Variants in PRRC2B observed in about 807,000 individuals in gnomAD.
The protein encoded by PRRC2B is proline rich coiled-coil 2B.
In PRRC2B, 68 loss-of-function variants were observed where a neutral mutation model predicts 242.3. The ratio of observed to expected loss-of-function variants is 0.28; its 90% CI spans 0.23 to 0.34. PRRC2B has a LOEUF of 0.34. Among genes scored for constraint, PRRC2B ranks in the 10% least tolerant of loss-of-function variants. The probability of loss-of-function intolerance (pLI) is 1.00; values close to 1 mark genes in which losing one functional copy is unlikely to be tolerated. For missense variants in PRRC2B, 2,835 were observed against 2,954.8 expected, an observed-to-expected ratio of 0.96 and a Z score of 0.94; for synonymous variants, 1,228 against 1,173.6, an observed-to-expected ratio of 1.05 and a Z score of -0.95.
intron 1 of PRRC2B, among the ~76,000 whole-genome samples, chr9:131,413,775 G>A (rs763403706): frequency 6.6e-6 from 1 of 152,172 alleles, no homozygotes; most frequent in Non-Finnish European, 1.5e-5. Context: ...AGGTTCAAGC[G>A]ATTCTTCGGC....
upstream of PRRC2B, among the ~76,000 whole-genome samples, chr9:131,390,807 T>G (rs1198180823): frequency 2.7e-3 from 193 of 72,524 alleles, no homozygotes; most frequent in Middle Eastern, 0.014. Context: ...TTTTTTTTGA[T>G]ACAGAGTCTC....
intron 1 of PRRC2B, among the ~76,000 whole-genome samples, chr9:131,377,596 C>T (rs1436800968): frequency 6.6e-6 from 1 of 152,076 alleles, no homozygotes; most frequent in African/African-American, 2.4e-5. Flanking sequence ...TCTGTTTCTG[C>T]ACCCCCACCC....
intron 10 of PRRC2B, among the ~76,000 whole-genome samples, chr9:131,457,610 T>G (rs924415480): frequency 1.3e-5 from 2 of 152,170 alleles, no homozygotes; most frequent in African/African-American, 2.4e-5. Context: ...TTGCCCTGAC[T>G]CTGTCTCCTC....
intron 1 of PRRC2B, among the ~76,000 whole-genome samples, chr9:131,377,448 G>T (rs1215652897): frequency 6.6e-6 from 1 of 151,896 alleles, no homozygotes; most frequent in Non-Finnish European, 1.5e-5. Flanking sequence ...CTCCACAATT[G>T]TACTTTTGGA....
chr9:131,462,663 C>A (rs1012656511), intron 11 of PRRC2B, among the ~76,000 whole-genome samples: 1 of 151,354 alleles, frequency 6.6e-6, no homozygotes, highest in African/African-American at 2.4e-5. Flanking sequence ...CATGGTGAAA[C>A]CCCATCTCTA....
At chr9:131,480,194 C>A (rs1943817698) in intron 19 of PRRC2B, among the ~76,000 whole-genome samples, 1 of 152,176 alleles carries the variant, frequency 6.6e-6, no homozygotes, top group Non-Finnish European at 1.5e-5. Flanking sequence ...CTCAGGGACT[C>A]CAGGGTCATA....
In PRRC2B at chr9:131,425,957, C is replaced by T. The variant is rs112908199; in HGVS notation, c.-51-4137C>T. ...CTAGGAGGCAGAGGTTGCAGTGAGC[C>T]GAGATCATGCCACTGCACTCCACCC... On this transcript the variant is annotated intron_variant, in intron 1 of 31. Transcript: ENST00000683519. Among the ~76,000 whole-genome samples the T allele has an allele frequency of 1.6e-3, 235 of 150,064 alleles. 1 individual carries two copies. Among genetic ancestry groups the T allele is most frequent in the Non-Finnish European group, 2.8e-3 (187 of 67,362 alleles).
chr9:131,432,196 G>A (rs991823905), intron 2 of PRRC2B, among the ~76,000 whole-genome samples: 1 of 152,150 alleles, frequency 6.6e-6, no homozygotes, highest in Non-Finnish European at 1.5e-5. Flanking sequence ...CATGAATGTC[G>A]AAGGGCTCCT....
intron 1 of PRRC2B, among the ~76,000 whole-genome samples, chr9:131,388,175 G>A (rs1371561813): frequency 7.0e-6 from 1 of 142,854 alleles, no homozygotes; most frequent in African/African-American, 2.6e-5. Flanking sequence ...GCAACAGAGC[G>A]AGACGCTGTC....
At chr9:131,467,071 G>A (rs1030037725) in intron 12 of PRRC2B, among the ~76,000 whole-genome samples, 2 of 151,888 alleles carry the variant, frequency 1.3e-5, no homozygotes, top group Non-Finnish European at 2.9e-5. Flanking sequence ...AAAGTGCTGG[G>A]ATTACAGGTG....
At chr9:131,384,083 A>ATTTT (rs111724850) in intron 1 of PRRC2B, among the ~76,000 whole-genome samples, 1 of 58,986 alleles carries the variant, frequency 1.7e-5, no homozygotes, top group Non-Finnish European at 3.3e-5. Flanking sequence ...ATACCCGGCT[A>ATTTT]TTTTTTTTTT....
Position 131,487,728 on chromosome 9 carries a change from A to T in PRRC2B, c.5985-128A>T. 7.9e-7 allele frequency: 1 copy of T among 1,262,180 alleles called. No homozygotes were observed. Among genetic ancestry groups the T allele is most frequent in the Admixed American group, 2.6e-5 (1 of 39,202 alleles). 78.2% of individuals were successfully genotyped at this position (1,262,180 alleles called of 1,614,324 possible). A position where few individuals can be genotyped will look rare whatever the true frequency, so the allele number is the denominator to read the frequency against. ...CTCAGGCCCCATCCTGGACCCTCTGAGTCGCGCTCTGGGGGTGGGGCCGGG... is the reference window on the plus strand; with the variant it reads ...CTCAGGCCCCATCCTGGACCCTCTGTGTCGCGCTCTGGGGGTGGGGCCGGG... On this transcript the variant is annotated intron_variant, in intron 27 of 31. Transcript: ENST00000683519. This position sits in a 1 kb window ranked among gnomAD's most constrained non-coding sequence, Gnocchi z 5.3.
At position 131,494,025 on chromosome 9, in the gene PRRC2B, G is replaced by A. The variant is rs543434983; in HGVS notation, c.6474-380G>A. On this transcript the variant is annotated intron_variant, in intron 30 of 31. Coordinates refer to ENST00000683519, the MANE Select transcript of PRRC2B (RefSeq NM_013318.4). The surrounding 1 kb of genome is among the most constrained non-coding windows in gnomAD (Gnocchi z 4.3). The stretch of plus-strand genomic sequence containing the variant: ...ATACTCGGCACAGTTCTGGCTCAGC[G>A]TCAGGCTTCTAGGCCTTTTGTCTGG... 2.7e-3 allele frequency among the ~76,000 whole-genome samples: 418 copies of A among 152,352 alleles called. 1 individual carries two copies. Among genetic ancestry groups the A allele is most frequent in the African/African-American group, 9.2e-3 (383 of 41,580 alleles).
chr9:131,385,680 A>C (rs1588233698), intron 1 of PRRC2B, among the ~76,000 whole-genome samples: 1 of 150,816 alleles, frequency 6.6e-6, no homozygotes, highest in African/African-American at 2.4e-5. Context: ...AAAAATGCTC[A>C]GTAAACAACA....
rs377750212 is a variant in PRRC2B, at chr9:131,482,329, G to T, written c.4984-42G>T. 124 of 1,520,802 alleles carry T rather than the reference G, an allele frequency of 8.2e-5. No individual in the cohort carries two copies. The African/African-American group carries it at 1.5e-3, about 19-fold the overall frequency. 94.2% of individuals were successfully genotyped at this position (1,520,802 alleles called of 1,614,324 possible). A position where few individuals can be genotyped will look rare whatever the true frequency, so the allele number is the denominator to read the frequency against. Reference sequence around the variant, plus strand: ...GCAGTTTTACTCTCTGGATAATCGAGTTGGGAGTTTGAGGCTATAACCCAT... The same window carrying T: ...GCAGTTTTACTCTCTGGATAATCGATTTGGGAGTTTGAGGCTATAACCCAT... On this transcript the variant is annotated intron_variant, in intron 20 of 31. Transcript: ENST00000683519. The surrounding 1 kb of genome is among the most constrained non-coding windows in gnomAD (Gnocchi z 5.2).
At position 131,411,302 on chromosome 9, in the gene PRRC2B, G is replaced by A. The variant is rs116380217; in HGVS notation, c.-52+17039G>A. Among the ~76,000 whole-genome samples, 1,401 of 151,396 alleles carry A rather than the reference G, an allele frequency of 9.3e-3. 22 individuals are homozygous for A. Among genetic ancestry groups the A allele is most frequent in the African/African-American group, 0.032 (1,334 of 41,290 alleles). ...ATGCAGTGTTCTGTTTTTCATTTGT[G>A]CTATTTTCTTTTTTTTGTTTGTTTT... is the stretch of plus-strand genomic sequence containing the variant. On this transcript the variant is annotated intron_variant, in intron 1 of 31. Coordinates refer to ENST00000683519, the MANE Select transcript of PRRC2B (RefSeq NM_013318.4).
chr9:131,485,050 G>T lies in PRRC2B; in HGVS notation c.5668G>T (p.Ala1890Ser). 1.9e-6 allele frequency: 3 copies of T among 1,610,758 alleles called. No individual in the cohort carries two copies. In the South Asian group the frequency reaches 3.3e-5, roughly 18 times the overall value. Residue 1890 changes from alanine (A) to serine (S), a missense_variant, in exon 25 of 32, where the codon GCC becomes TCC. Physicochemically the swap from Ala to Ser is moderately conservative, Grantham distance 99. Transcript: ENST00000683519. ...SGIQPPSSVGASSGVNYSSFG... is the reference protein window; with the variant it reads ...SGIQPPSSVGSSSGVNYSSFG... ...CATCCAGCCTCCATCCTCTGTGGGT[G>T]CCTCCAGCGGGGTCAACTACAGCTC... is the stretch of plus-strand genomic sequence containing the variant.
chr9:131,477,825 A>T lies in PRRC2B; in HGVS notation c.4488A>T (p.Ala1496=). Reference sequence around the variant, plus strand: ...ACTCCCCCTATGCCCTGGAGCGGGCAGCCCATGCCAGTGCTGACCTTCCCG... The same window carrying T: ...ACTCCCCCTATGCCCTGGAGCGGGCTGCCCATGCCAGTGCTGACCTTCCCG... ...SGHSPYALER[A]AHASADLPEA... Residue 1496 remains alanine (A), a synonymous_variant, in exon 17 of 32, where the codon GCA becomes GCT. Coordinates refer to ENST00000683519, the MANE Select transcript of PRRC2B (RefSeq NM_013318.4). The T allele has an allele frequency of 6.2e-7, 1 of 1,613,450 alleles. No homozygotes were observed. Among genetic ancestry groups the T allele is most frequent in the Non-Finnish European group, 8.5e-7 (1 of 1,179,660 alleles).
intron 1 of PRRC2B, among the ~76,000 whole-genome samples, chr9:131,419,390 C>T (rs1280853461): frequency 6.6e-6 from 1 of 152,188 alleles, no homozygotes; most frequent in Non-Finnish European, 1.5e-5. Flanking sequence ...TAAACTGTGA[C>T]ACACCAACGT....
Sources: gnomAD v4.1 joint callset for allele counts (sites outside exome capture counted in the v4.1 genomes callset) on GRCh38, gnomAD v4.1.1 for gene constraint, Gnocchi (gnomAD v3.1) non-coding constraint, MANE v1.5 for transcripts, NCBI Gene and HGNC (gene_info 2026-07-23, HGNC 2026-07-21) for gene names.